CSGALNACT2: variants seen among roughly 807,000 people sequenced by gnomAD.
The protein encoded by CSGALNACT2 is beta 4 GalNAcT-2.
A neutral mutation model predicts 55.3 loss-of-function variants in CSGALNACT2; 35 were observed. That is an observed-to-expected ratio of 0.63 (90% CI 0.48 to 0.84). The LOEUF is 0.84. Among genes scored for constraint, CSGALNACT2 ranks in the 40% least tolerant of loss-of-function variants. The probability of loss-of-function intolerance (pLI) is 0.00; values close to 1 mark genes in which losing one functional copy is unlikely to be tolerated. For missense variants in CSGALNACT2, 544 were observed against 657.5 expected, an observed-to-expected ratio of 0.83 and a Z score of 1.89; for synonymous variants, 196 against 224.9, an observed-to-expected ratio of 0.87 and a Z score of 1.15.
chr10:43,179,585 C>G (rs1395634123), intron 7 of CSGALNACT2, among the ~76,000 whole-genome samples: 1 of 152,168 alleles, frequency 6.6e-6, no homozygotes, highest in Non-Finnish European at 1.5e-5. Flanking sequence ...TGGTATCACT[C>G]CTATTAGACT....
chr10:43,167,168 A>G lies in CSGALNACT2; in HGVS notation c.1254+70A>G, dbSNP rs1400728588. On this transcript the variant is annotated intron_variant, in intron 6 of 7. Transcript: ENST00000374466. Reference sequence around the variant, plus strand: ...TTCTAGATGTTTGTTGTGTAAGTAGAAAACAAAGTTTCAATAAAAAACTGT... The same window carrying G: ...TTCTAGATGTTTGTTGTGTAAGTAGGAAACAAAGTTTCAATAAAAAACTGT... The G allele has an allele frequency of 1.6e-5, 16 of 987,304 alleles. No individual in the cohort carries two copies. In the East Asian group the frequency reaches 3.6e-4, roughly 22 times the overall value. The allele number at this position is 987,304 out of a possible 1,614,324, so 61.2% of individuals were successfully genotyped here.
chr10:43,173,420 A>G (rs888132083), intron 6 of CSGALNACT2, among the ~76,000 whole-genome samples: 8 of 152,242 alleles, frequency 5.3e-5, no homozygotes. Context: ...CATCTCCCAC[A>G]TGCTTAGGAG....
chr10:43,166,045 A>G (rs1159877818), intron 5 of CSGALNACT2, among the ~76,000 whole-genome samples: 1 of 152,252 alleles, frequency 6.6e-6, no homozygotes. Context: ...ATTCATATGC[A>G]AATGATTGCC....
chr10:43,168,673 GACAC>G (rs55776451), intron 6 of CSGALNACT2, among the ~76,000 whole-genome samples: 3,440 of 147,970 alleles, frequency 0.023, 47 homozygotes, highest in Non-Finnish European at 0.027. Flanking sequence ...AGTACACACA[GACAC>G]ACACACACAC....
chr10:43,143,032 A>T lies in CSGALNACT2; in HGVS notation c.-254+4465A>T, dbSNP rs147418144. 2.1e-3 allele frequency among the ~76,000 whole-genome samples: 316 copies of T among 152,340 alleles called. 1 individual carries two copies. Among genetic ancestry groups the T allele is most frequent in the African/African-American group, 7.1e-3 (295 of 41,578 alleles). Reference sequence around the variant, plus strand: ...AAGTGTTATAATTATACTCTAAGGTAGGTTCTGTAATTATTCCCACTTAAC... The same window carrying T: ...AAGTGTTATAATTATACTCTAAGGTTGGTTCTGTAATTATTCCCACTTAAC... On this transcript the variant is annotated intron_variant, in intron 1 of 7. Coordinates refer to ENST00000374466, the MANE Select transcript of CSGALNACT2 (RefSeq NM_018590.5).
At chr10:43,138,900 C>G (rs1838556975) in intron 1 of CSGALNACT2, among the ~76,000 whole-genome samples, 2 of 152,164 alleles carry the variant, frequency 1.3e-5, no homozygotes, top group South Asian at 2.1e-4. Context: ...ATAGTTCTGC[C>G]CTCAGCCCCT....
intron 1 of CSGALNACT2, among the ~76,000 whole-genome samples, chr10:43,139,568 A>G (rs1025942602): frequency 6.6e-6 from 1 of 152,252 alleles, no homozygotes; most frequent in Non-Finnish European, 1.5e-5. Context: ...GAATTTTTAC[A>G]TACTTATTAC....
intron 7 of CSGALNACT2, among the ~76,000 whole-genome samples, chr10:43,178,619 A>C (rs1456698005): frequency 1.7e-4 from 21 of 120,572 alleles, no homozygotes. Flanking sequence ...AGACTCCATC[A>C]AAAAAAAAAA....
chr10:43,146,448 T>C (rs1461180279), intron 1 of CSGALNACT2, among the ~76,000 whole-genome samples: 4 of 152,208 alleles, frequency 2.6e-5, no homozygotes, highest in Non-Finnish European at 4.4e-5. Flanking sequence ...CCCAACCAGA[T>C]TGAGTGTGGG....
chr10:43,181,250 C>T (rs186052406), intron 7 of CSGALNACT2, among the ~76,000 whole-genome samples: 29 of 152,238 alleles, frequency 1.9e-4, no homozygotes, highest in Non-Finnish European at 4.3e-4. Flanking sequence ...GAGATTTCTG[C>T]TCCAGTAAGT....
At chr10:43,175,862 A>G (rs1304462647) in intron 6 of CSGALNACT2, 89 bp from the exon 7 acceptor site, 2 of 1,112,644 alleles carry the variant, frequency 1.8e-6, no homozygotes, top group African/African-American at 1.6e-5. Context: ...AAAAAAGTAT[A>G]CATTAGAAAA....
chr10:43,149,505 A>AT (rs1463035827), intron 1 of CSGALNACT2, among the ~76,000 whole-genome samples: 1 of 152,090 alleles, frequency 6.6e-6, no homozygotes, highest in East Asian at 1.9e-4. Context: ...GCATTAATTG[A>AT]TTTTCAGATG....
rs749115893 is a variant in CSGALNACT2, at chr10:43,155,200, G to A, written c.51G>A (p.Leu17=). 1.9e-6 allele frequency: 3 copies of A among 1,613,982 alleles called. No homozygotes were observed. Among genetic ancestry groups the A allele is most frequent in the East Asian group, 2.2e-5 (1 of 44,904 alleles). The change falls in exon 2 of 8, where the codon TTG becomes TTA. Residue 17 remains leucine (L), a synonymous_variant. Transcript: ENST00000374466. The part of the protein sequence containing the change: ...ILHTRTHWLL[L]GLALLCSLVL... ...ACACCCGGACCCACTGGTTGCTGTT[G>A]GGCCTTGCTTTGCTCTGCAGTTTGG...
intron 6 of CSGALNACT2, among the ~76,000 whole-genome samples, chr10:43,173,515 GTT>G (rs1176105412): frequency 6.6e-6 from 1 of 152,202 alleles, no homozygotes; most frequent in East Asian, 1.9e-4. Context: ...GTGAAAATGT[GTT>G]GCTTTAAAAA....
rs1405774473 is a variant in CSGALNACT2, at chr10:43,154,961, CA to C, written c.-187del. On this transcript the variant is annotated 5_prime_UTR_variant, in exon 2 of 8. The change creates a premature stop within an existing upstream ORF in the 5' untranslated region. Coordinates refer to ENST00000374466, the MANE Select transcript of CSGALNACT2 (RefSeq NM_018590.5). ...TGCTTTATTCTGGATATCATGGTAA[CA>C]ATACAGAAAGTATACATAATTTCCC... 1.7e-6 allele frequency: 1 copy of C among 573,992 alleles called. No individual in the cohort carries two copies. Among genetic ancestry groups the C allele is most frequent in the Non-Finnish European group, 3.1e-6 (1 of 324,954 alleles). The allele number at this position is 573,992 out of a possible 1,614,324, so 35.6% of individuals were successfully genotyped here. A position where few individuals can be genotyped will look rare whatever the true frequency, so the allele number is the denominator to read the frequency against.
At chr10:43,176,517 G>A (rs563790544) in intron 7 of CSGALNACT2, among the ~76,000 whole-genome samples, 90 of 152,274 alleles carry the variant, frequency 5.9e-4, no homozygotes, top group Non-Finnish European at 2.2e-4. Flanking sequence ...TTTCTAGCGC[G>A]TCTTGGAATC....
rs1327800945 is a variant in CSGALNACT2, at chr10:43,140,410, C to T, written c.-254+1843C>T. On this transcript the variant is annotated intron_variant, in intron 1 of 7. Coordinates refer to ENST00000374466, the MANE Select transcript of CSGALNACT2 (RefSeq NM_018590.5). ...GAATTTGTTATTTTAACTAATATAACATTCAAGGTTGGTTTTAAAAAAGCA... is the reference window on the plus strand; with the variant it reads ...GAATTTGTTATTTTAACTAATATAATATTCAAGGTTGGTTTTAAAAAAGCA... 3.3e-5 allele frequency among the ~76,000 whole-genome samples: 5 copies of T among 152,064 alleles called. No individual in the cohort carries two copies. The East Asian group carries it at 9.6e-4, about 29-fold the overall frequency.
In CSGALNACT2 at chr10:43,184,001, T is replaced by C. The variant is rs1185341739; in HGVS notation, c.*459T>C. 1 of 157,560 alleles carries C rather than the reference T, an allele frequency of 6.3e-6. No homozygotes were observed. Among genetic ancestry groups the C allele is most frequent in the Non-Finnish European group, 1.4e-5 (1 of 71,222 alleles). The allele number at this position is 157,560 out of a possible 1,614,324, so 9.8% of individuals were successfully genotyped here. A position where few individuals can be genotyped will look rare whatever the true frequency, so the allele number is the denominator to read the frequency against. ...CCGCCCCTGAGTCAGCCTCCTTGAC[T>C]TGATAGCTTGAAGAATCCTTTTCCA... On this transcript the variant is annotated 3_prime_UTR_variant, in exon 8 of 8. Transcript: ENST00000374466.
intron 5 of CSGALNACT2, among the ~76,000 whole-genome samples, chr10:43,164,827 C>CA (rs1402393442): frequency 7.3e-6 from 1 of 136,730 alleles, no homozygotes; most frequent in Non-Finnish European, 1.5e-5. Context: ...AGCCTGGTGA[C>CA]AGAGTGAGAC....
Sources: gnomAD v4.1 joint callset for allele counts (sites outside exome capture counted in the v4.1 genomes callset) on GRCh38, gnomAD v4.1.1 for gene constraint, MANE v1.5 for transcripts, NCBI Gene and HGNC (gene_info 2026-07-23, HGNC 2026-07-21) for gene names.